Variants in ST7L observed in about 807,000 individuals in gnomAD.
ST7L encodes suppression of tumorigenicity 7 like, also known as suppressor of tumorigenicity 7 protein-like.
In ST7L, 57 loss-of-function variants were observed where a neutral mutation model predicts 72.5. The observed-to-expected ratio is 0.79, with a 90% CI of 0.64 to 0.98. ST7L has a LOEUF of 0.98. Among genes scored for constraint, ST7L ranks in the 50% least tolerant of loss-of-function variants. ST7L has a pLI of 0.00. For synonymous variants in ST7L, 221 were observed against 240.9 expected (o/e 0.92, Z 0.77); for missense variants, 576 against 672.2 (o/e 0.86, Z 1.58).
rs533915978 is a variant in ST7L at position 112,575,697 on chromosome 1, G to GT, written c.1245+1288dup. 9.1e-4 allele frequency among the ~76,000 whole-genome samples: 139 copies of GT among 152,236 alleles called. 1 individual carries two copies. The highest frequency in any genetic ancestry group is 3.2e-3 in the African/African-American group (134 of 41,524). ...GCATGCAACTTAAAACTTATGAATT[G>GT]TTTATTTCTGGAATTTTCCATGTAA... On this transcript the variant is annotated intron_variant, in intron 11 of 14. Coordinates refer to ENST00000358039, the MANE Select transcript of ST7L (RefSeq NM_017744.5).
At chr1:112,537,340 A>G (rs556477333) in intron 14 of ST7L, among the ~76,000 whole-genome samples, 1 of 152,288 alleles carries the variant, frequency 6.6e-6, no homozygotes, top group Non-Finnish European at 1.5e-5. Flanking sequence ...TCTGAATTCA[A>G]AACACTAAAG....
intron 14 of ST7L, chr1:112,530,286 T>A (rs1654160360): frequency 6.6e-6 from 1 of 152,194 alleles, no homozygotes; most frequent in Non-Finnish European, 1.5e-5. Context: ...TTTGCATGAG[T>A]AGTTTAGAAT....
intron 13 of ST7L, among the ~76,000 whole-genome samples, chr1:112,542,575 C>T (rs6537742): frequency 6.6e-6 from 1 of 151,646 alleles, no homozygotes; most frequent in Non-Finnish European, 1.5e-5. Flanking sequence ...TAAGCAAAAT[C>T]GTGCTTAAAA....
chr1:112,576,091 AC>A (rs1663051107), intron 11 of ST7L, among the ~76,000 whole-genome samples: 1 of 151,798 alleles, frequency 6.6e-6, no homozygotes, highest in Non-Finnish European at 1.5e-5. Flanking sequence ...TGTTTGTAGA[AC>A]CCCAATTTTT....
chr1:112,593,271 G>A (rs1396717560), intron 5 of ST7L, among the ~76,000 whole-genome samples: 1 of 152,032 alleles, frequency 6.6e-6, no homozygotes, highest in Non-Finnish European at 1.5e-5. Flanking sequence ...AAAGTTGATG[G>A]GGGAAAAATG....
intron 4 of ST7L, among the ~76,000 whole-genome samples, chr1:112,599,891 T>C (rs1667131722): frequency 1.3e-5 from 2 of 152,222 alleles, no homozygotes; most frequent in East Asian, 3.8e-4. Flanking sequence ...TAGTTTGATG[T>C]AATGTTTCTT....
At chr1:112,538,255 G>A (rs1229250269) in intron 14 of ST7L, among the ~76,000 whole-genome samples, 4 of 152,226 alleles carry the variant, frequency 2.6e-5, no homozygotes, top group Admixed American at 6.5e-5. Context: ...AACAGGTTCT[G>A]TTCTACAAGG....
At chr1:112,536,995 A>G (rs1655313292) in intron 14 of ST7L, among the ~76,000 whole-genome samples, 1 of 151,266 alleles carries the variant, frequency 6.6e-6, no homozygotes, top group South Asian at 2.1e-4. Flanking sequence ...AAACCCAACT[A>G]GGGACTTTTT....
At chr1:112,544,205 T>G (rs1656692954) in intron 13 of ST7L, among the ~76,000 whole-genome samples, 1 of 152,186 alleles carries the variant, frequency 6.6e-6, no homozygotes, top group Admixed American at 6.5e-5. Context: ...GAATTTCTGA[T>G]GTAATATCCT....
chr1:112,555,839 T>A (rs767365387), intron 12 of ST7L, 29 bp downstream of exon 12: 1 of 1,473,784 alleles, frequency 6.8e-7, no homozygotes, highest in South Asian at 1.5e-5. Context: ...TTAGAGAGAT[T>A]AGTGTTACTT....
chr1:112,541,255 GC>G (rs1656049048), intron 14 of ST7L, among the ~76,000 whole-genome samples: 1 of 151,560 alleles, frequency 6.6e-6, no homozygotes, highest in Non-Finnish European at 1.5e-5. Flanking sequence ...CTGCACTCCA[GC>G]CTGGGTCACA....
At chr1:112,569,957 C>CAAAAAAA (rs750153250) in intron 11 of ST7L, among the ~76,000 whole-genome samples, 2 of 73,350 alleles carry the variant, frequency 2.7e-5, no homozygotes, top group African/African-American at 5.5e-5. Context: ...GATTCTGTCT[C>CAAAAAAA]AAAAAAAAAA....
At chr1:112,593,233 G>A (rs550772536) in intron 5 of ST7L, among the ~76,000 whole-genome samples, 7 of 152,096 alleles carry the variant, frequency 4.6e-5, no homozygotes, top group African/African-American at 1.4e-4. Context: ...AACCAAAGCA[G>A]TCCTAAGCCT....
At chr1:112,578,231 G>A in intron 10 of ST7L, 114 bp downstream of exon 10, 4 of 1,049,080 alleles carry the variant, frequency 3.8e-6, no homozygotes, top group Admixed American at 3.8e-5. Flanking sequence ...GAAGATCCAG[G>A]GCTATTCAGA....
rs192243899 is a variant in ST7L, at chr1:112,536,835, G to A, written c.1629+5116C>T. On this transcript the variant is annotated intron_variant, in intron 14 of 14. Coordinates refer to ENST00000358039, the MANE Select transcript of ST7L (RefSeq NM_017744.5). ...TGTGGAAACAAAGCCCATTCCCACC[G>A]CAGCACAGCTACAATATGCGTTCAG... Among the ~76,000 whole-genome samples, 138 of 152,152 alleles carry A rather than the reference G, an allele frequency of 9.1e-4. No individual in the cohort carries two copies. In the Middle Eastern group the frequency reaches 0.01, roughly 11 times the overall value.
At chr1:112,608,184 C>T (rs1054526072) in intron 3 of ST7L, among the ~76,000 whole-genome samples, 9 of 151,954 alleles carry the variant, frequency 5.9e-5, no homozygotes, top group African/African-American at 1.9e-4. Context: ...CTGTGCCCAA[C>T]TGATTTTATT....
At position 112,546,018 on chromosome 1, in the gene ST7L, C is replaced by A. The variant is rs373160056; in HGVS notation, c.1490-3928G>T. Among the ~76,000 whole-genome samples, 29 of 152,138 alleles carry A rather than the reference C, an allele frequency of 1.9e-4. No individual in the cohort carries two copies. The East Asian group carries it at 4.8e-3, about 25-fold the overall frequency. On this transcript the variant is annotated intron_variant, in intron 13 of 14. Transcript: ENST00000358039. ...ACCTGGATAAATCTGATTCTCTCTC[C>A]CAGAAGTTTTAGAAGTGGGATTGAG...
intron 1 of ST7L, chr1:112,618,686 A>G: frequency 1.1e-6 from 1 of 937,224 alleles, no homozygotes; most frequent in Non-Finnish European, 1.5e-6. Context: ...AGGACATAAG[A>G]GAGAGGGCGG....
chr1:112,617,715 TCTCACACACACACACA>T (rs1435986533), intron 1 of ST7L, among the ~76,000 whole-genome samples: 2 of 123,054 alleles, frequency 1.6e-5, no homozygotes, highest in African/African-American at 3.2e-5. Flanking sequence ...TCTTTCTCTC[TCTCACACACACACACA>T]CACACACACA....
Sources: gnomAD v4.1 joint callset for allele counts (sites outside exome capture counted in the v4.1 genomes callset) on GRCh38, gnomAD v4.1.1 for gene constraint, MANE v1.5 for transcripts, NCBI Gene and HGNC (gene_info 2026-07-23, HGNC 2026-07-21) for gene names.